The following TNRC18 variants were observed in gnomAD, a reference collection of about 807,000 sequenced individuals.
TNRC18 encodes trinucleotide repeat-containing gene 18 protein.
Under a neutral mutation model 226.7 loss-of-function variants are expected in TNRC18, and 69 were observed. The ratio of observed to expected loss-of-function variants is 0.30; its 90% CI spans 0.25 to 0.37. The LOEUF is 0.37. TNRC18 is among the 10% of genes least tolerant of loss of function. The pLI is 1.00. For missense variants in TNRC18, 4,754 were observed against 4,256.6 expected (o/e 1.12, Z -3.25); for synonymous variants, 2,449 against 1,927.6 (o/e 1.27, Z -7.09).
At chr7:5,326,369 A>T (rs1313516245) in intron 19 of TNRC18, among the ~76,000 whole-genome samples, 1 of 152,208 alleles carries the variant, frequency 6.6e-6, no homozygotes, top group Non-Finnish European at 1.5e-5. Flanking sequence ...CAAGGTATGG[A>T]GAAACCCTAA....
At position 5,324,580 on chromosome 7, in the gene TNRC18, C is replaced by T. The variant is rs1379315339; in HGVS notation, c.6301-225G>A. ...AGTACTCGGTGCTCAATACTCAGTA[C>T]TCTGTGCTCAGTATCAGCACTCAGC... is the stretch of plus-strand genomic sequence containing the variant. On this transcript the variant is annotated intron_variant, in intron 20 of 29. Transcript: ENST00000430969. This position sits in a 1 kb window ranked among gnomAD's most constrained non-coding sequence, Gnocchi z 4.8. Among the ~76,000 whole-genome samples the T allele has an allele frequency of 6.6e-6, 1 of 152,220 alleles. No individual in the cohort carries two copies. Among genetic ancestry groups the T allele is most frequent in the African/African-American group, 2.4e-5 (1 of 41,452 alleles).
At chr7:5,323,860 G>A (rs1464048033) in intron 21 of TNRC18, among the ~76,000 whole-genome samples, 2 of 152,100 alleles carry the variant, frequency 1.3e-5, no homozygotes, top group Non-Finnish European at 2.9e-5. Flanking sequence ...GGGCCACCAC[G>A]CTCGGCCCAG....
intron 2 of TNRC18, among the ~76,000 whole-genome samples, chr7:5,404,782 GTGTGTGTGTGTA>G (rs1781355422): frequency 6.7e-6 from 1 of 150,248 alleles, no homozygotes; most frequent in Admixed American, 6.6e-5. Flanking sequence ...GTGTGTGTGT[GTGTGTGTGTGTA>G]TAAAATGAAA....
chr7:5,355,975 G>A (rs1005487865), intron 16 of TNRC18, among the ~76,000 whole-genome samples: 9 of 152,012 alleles, frequency 5.9e-5, no homozygotes, highest in Non-Finnish European at 8.8e-5. Flanking sequence ...GACCAGCCTG[G>A]CCAACATGGC....
At chr7:5,348,281 G>T (rs1791415474) in intron 17 of TNRC18, among the ~76,000 whole-genome samples, 2 of 152,198 alleles carry the variant, frequency 1.3e-5, no homozygotes, top group South Asian at 2.1e-4. Context: ...GGTGACAGGG[G>T]TGCCCATCTG....
chr7:5,335,847 AAAAAAAAAAAAG>A (rs1331747404), intron 18 of TNRC18, among the ~76,000 whole-genome samples: 2 of 31,704 alleles, frequency 6.3e-5, no homozygotes, highest in Non-Finnish European at 2.1e-4. Context: ...AAAAAAAAAA[AAAAAAAAAAAAG>A]GCATTCTGAC....
intron 10 of TNRC18, among the ~76,000 whole-genome samples, chr7:5,373,464 A>G (rs1045696784): frequency 1.3e-5 from 2 of 152,198 alleles, no homozygotes; most frequent in African/African-American, 2.4e-5. Context: ...GACAAAGGAG[A>G]GACAGGCGCC....
chr7:5,350,851 C>T (rs944396252), intron 17 of TNRC18, among the ~76,000 whole-genome samples: 1 of 152,166 alleles, frequency 6.6e-6, no homozygotes, highest in African/African-American at 2.4e-5. Flanking sequence ...GATGCTCCGT[C>T]CCTTGATGCG....
chr7:5,330,295 T>G (rs1583796000), intron 19 of TNRC18, among the ~76,000 whole-genome samples: 1 of 152,148 alleles, frequency 6.6e-6, no homozygotes, highest in East Asian at 1.9e-4. Flanking sequence ...GGCAGTATGA[T>G]CATAGCTCAC....
intron 2 of TNRC18, chr7:5,420,818 A>G: frequency 1.4e-6 from 1 of 695,366 alleles, no homozygotes; most frequent in Non-Finnish European, 2.6e-6. Flanking sequence ...GGGCTACCAC[A>G]CCGGCTTTCG....
chr7:5,387,531 C>A lies in TNRC18; in HGVS notation c.2152+141G>T, dbSNP rs140831524. On this transcript the variant is annotated intron_variant, in intron 5 of 29. Coordinates refer to ENST00000430969, the MANE Select transcript of TNRC18 (RefSeq NM_001080495.3). ...ACTGAACCATGGTACATGCTCGCAA[C>A]AGAACATTCAAGACCATTTTAAAAA... 2.4e-4 allele frequency: 290 copies of A among 1,232,408 alleles called. No homozygotes were observed. The East Asian group carries it at 6.8e-3, about 29-fold the overall frequency. 76.3% of individuals were successfully genotyped at this position (1,232,408 alleles called of 1,614,324 possible).
In TNRC18 at chr7:5,361,999, T is replaced by C; in HGVS notation, c.4430A>G (p.Asp1477Gly). 2 of 1,613,508 alleles carry C rather than the reference T, an allele frequency of 1.2e-6. No homozygotes were observed. Among genetic ancestry groups the C allele is most frequent in the South Asian group, 1.1e-5 (1 of 91,054 alleles). ...CATCCGGAAGTCCAGCTCCAGGGCG[T>C]CCATGTCCTCCAGGGAGGACTTCAT... ...YAMKSSLEDM[D>G]ALELDFRMRL... The change falls in exon 13 of 30, where the codon GAC (aspartate) becomes GGC (glycine). Residue 1477 changes from aspartate to glycine, a missense_variant. Asp to Gly is a moderately conservative substitution (Grantham distance 94). Coordinates refer to ENST00000430969, the MANE Select transcript of TNRC18 (RefSeq NM_001080495.3).
intron 4 of TNRC18, 107 bp from the exon 5 acceptor site, chr7:5,389,443 C>T (rs1428999611): frequency 4.6e-6 from 4 of 868,328 alleles, no homozygotes; most frequent in Non-Finnish European, 4.3e-6. Context: ...CCATGCCTCC[C>T]CCAGTGTTTT....
intron 2 of TNRC18, 82 bp downstream of exon 2, chr7:5,420,978 G>A: frequency 7.2e-6 from 11 of 1,518,474 alleles, no homozygotes; most frequent in Non-Finnish European, 9.8e-6. Flanking sequence ...GCCGAGCCCC[G>A]GCCGCGAGTG....
rs1252954025 is a variant in TNRC18 at position 5,394,516 on chromosome 7, G to C, written c.267C>G (p.Pro89=). Residue 89 remains proline, a synonymous_variant, in exon 3 of 30, where the codon CCC becomes CCG. Transcript: ENST00000430969. This position sits in a 1 kb window ranked among gnomAD's most constrained non-coding sequence, Gnocchi z 4.5. ...TTGGGGAGCGGAAAGACAGGTCAGA[G>C]GGCAGTGGCACTGGGCTCCCATGGG... ...ASSHGSPVPL[P]SDLSFRSPTP... The C allele has an allele frequency of 6.4e-6, 10 of 1,556,568 alleles. No homozygotes were observed. The highest frequency in any genetic ancestry group is 8.7e-6 in the Non-Finnish European group (10 of 1,152,240).
At position 5,313,367 on chromosome 7, in the gene TNRC18, G is replaced by T. The variant is rs571803048; in HGVS notation, c.7524C>A (p.Ala2508=). 6.3e-7 allele frequency: 1 copy of T among 1,575,586 alleles called. No homozygotes were observed. The highest frequency in any genetic ancestry group is 8.6e-7 in the Non-Finnish European group (1 of 1,162,238). Residue 2508 remains alanine, a synonymous_variant, in exon 27 of 30, where the codon GCC becomes GCA. Coordinates refer to ENST00000430969, the MANE Select transcript of TNRC18 (RefSeq NM_001080495.3). Reference sequence around the variant, plus strand: ...AGGGTGCCTTGGGCTCGCTGCTGCCGGCCGCGGGGGGATAGCTGCCCAGGC... The same window carrying T: ...AGGGTGCCTTGGGCTCGCTGCTGCCTGCCGCGGGGGGATAGCTGCCCAGGC... ...LLSLGSYPPA[A]GSSEPKAPWP... is the part of the protein sequence containing the mutation.
chr7:5,332,657 C>A lies in TNRC18; in HGVS notation c.6112G>T (p.Ala2038Ser). 5 of 1,530,714 alleles carry A rather than the reference C, an allele frequency of 3.3e-6. No homozygotes were observed. Among genetic ancestry groups the A allele is most frequent in the East Asian group, 5.1e-5 (2 of 39,154 alleles). 94.8% of individuals were successfully genotyped at this position (1,530,714 alleles called of 1,614,324 possible). A position where few individuals can be genotyped will look rare whatever the true frequency, so the allele number is the denominator to read the frequency against. ...KGGPLSPRKD[A>S]GRAKDRKDPR... is the part of the protein sequence containing the mutation. ...TCCTTCCTGTCCTTTGCACGCCCGG[C>A]GTCCTTGCGCGGGCTCAGGGGGCCG... Residue 2038 changes from alanine to serine, a missense_variant, in exon 19 of 30, where the codon GCC (alanine) becomes TCC (serine). Physicochemically the swap from Ala to Ser is moderately conservative, Grantham distance 99. Transcript: ENST00000430969.
intron 24 of TNRC18, among the ~76,000 whole-genome samples, chr7:5,316,809 G>A (rs1326967621): frequency 6.6e-6 from 1 of 152,180 alleles, no homozygotes; most frequent in Non-Finnish European, 1.5e-5. Flanking sequence ...CCTAGGAGGA[G>A]GTGATACCCA....
At chr7:5,391,258 C>G (rs1240646949) in intron 3 of TNRC18, among the ~76,000 whole-genome samples, 2 of 152,032 alleles carry the variant, frequency 1.3e-5, no homozygotes, top group Non-Finnish European at 2.9e-5. Flanking sequence ...CCAAAGGCCA[C>G]CCCCTCACCA....
Sources: gnomAD v4.1 joint callset for allele counts (sites outside exome capture counted in the v4.1 genomes callset) on GRCh38, gnomAD v4.1.1 for gene constraint, Gnocchi (gnomAD v3.1) non-coding constraint, MANE v1.5 for transcripts, NCBI Gene and HGNC (gene_info 2026-07-23, HGNC 2026-07-21) for gene names.